Variants in KCNQ3 observed in about 807,000 individuals in gnomAD.
KCNQ3 encodes the protein potassium voltage-gated channel subfamily Q member 3.
In KCNQ3, 30 loss-of-function variants were observed where a neutral mutation model predicts 92.5. The observed-to-expected ratio is 0.32, with a 90% CI of 0.24 to 0.44. The LOEUF (loss-of-function observed/expected upper bound fraction) is 0.44. Among genes scored for constraint, KCNQ3 ranks in the 20% least tolerant of loss-of-function variants. KCNQ3 has a pLI of 1.00. For synonymous variants in KCNQ3, 450 were observed against 468.8 expected (o/e 0.96, Z 0.52); for missense variants, 913 against 1,140.3 (o/e 0.80, Z 2.87).
chr8:132,421,523 G>C (rs768917080), intron 1 of KCNQ3, among the ~76,000 whole-genome samples: 3 of 152,160 alleles, frequency 2.0e-5, no homozygotes, highest in Admixed American at 2.0e-4. Flanking sequence ...AAATGATGCT[G>C]CCTGACCTAG....
chr8:132,203,751 C>T (rs1283640653), intron 1 of KCNQ3, among the ~76,000 whole-genome samples: 1 of 152,124 alleles, frequency 6.6e-6, no homozygotes, highest in Admixed American at 6.5e-5. Flanking sequence ...GCTGTGAGAA[C>T]TAAATATGCC....
intron 1 of KCNQ3, among the ~76,000 whole-genome samples, chr8:132,252,600 G>A (rs2085517): frequency 0.44 from 66,132 of 151,666 alleles, 16,685 homozygotes; most frequent in East Asian, 0.68. Context: ...TGGATTGGGT[G>A]GCCAGCTTTT....
intron 1 of KCNQ3, among the ~76,000 whole-genome samples, chr8:132,228,267 G>C (rs10099347): frequency 0.012 from 1,753 of 152,120 alleles, 18 homozygotes; most frequent in South Asian, 0.048. Flanking sequence ...AGGCATCAAA[G>C]TGACAAATGA....
intron 1 of KCNQ3, among the ~76,000 whole-genome samples, chr8:132,336,171 G>A (rs777164778): frequency 2.0e-5 from 3 of 152,114 alleles, no homozygotes; most frequent in Non-Finnish European, 4.4e-5. Flanking sequence ...GTCTAGGGCT[G>A]GGCACTTTGG....
At chr8:132,271,881 G>A (rs906840436) in intron 1 of KCNQ3, among the ~76,000 whole-genome samples, 3 of 152,170 alleles carry the variant, frequency 2.0e-5, no homozygotes, top group Non-Finnish European at 4.4e-5. Flanking sequence ...ATTGGAATGG[G>A]CATGGTCTTT....
intron 1 of KCNQ3, among the ~76,000 whole-genome samples, chr8:132,216,463 TC>T (rs1044322902): frequency 1.3e-5 from 2 of 152,036 alleles, no homozygotes; most frequent in African/African-American, 4.8e-5. Flanking sequence ...ACCTGATCCC[TC>T]CCCAGCCCTG....
chr8:132,480,595 G>T lies in KCNQ3; in HGVS notation c.-63C>A. ...GCTGCTCTGGGAAGAAGGGGCGCTC[G>T]GGGTGCGTGAACGAGGCGGCGGCGG... On this transcript the variant is annotated 5_prime_UTR_variant, in exon 1 of 15. Coordinates refer to ENST00000388996, the MANE Select transcript of KCNQ3 (RefSeq NM_004519.4). 8.1e-7 allele frequency: 1 copy of T among 1,232,234 alleles called. No individual in the cohort carries two copies. The allele number at this position is 1,232,234 out of a possible 1,614,324, so 76.3% of individuals were successfully genotyped here.
At chr8:132,440,555 C>A (rs16904685) in intron 1 of KCNQ3, among the ~76,000 whole-genome samples, 22,749 of 152,088 alleles carry the variant, frequency 0.15, 1,743 homozygotes, top group East Asian at 0.24. Flanking sequence ...CATTGTGCAG[C>A]GTAGTTCTCC....
At chr8:132,465,016 T>G (rs556178472) in intron 1 of KCNQ3, among the ~76,000 whole-genome samples, 1 of 152,320 alleles carries the variant, frequency 6.6e-6, no homozygotes, top group South Asian at 2.1e-4. Context: ...AAACAAGATA[T>G]GTTCAAGTCA....
intron 1 of KCNQ3, among the ~76,000 whole-genome samples, chr8:132,421,018 T>A (rs942270852): frequency 6.6e-6 from 1 of 152,204 alleles, no homozygotes; most frequent in African/African-American, 2.4e-5. Context: ...CAGGAAGGCA[T>A]GACTGGCATA....
chr8:132,452,654 T>TAGGGATATCTG (rs1182207202), intron 1 of KCNQ3, among the ~76,000 whole-genome samples: 6 of 152,170 alleles, frequency 3.9e-5, no homozygotes, highest in African/African-American at 1.2e-4. Flanking sequence ...AAGACAGGAC[T>TAGGGATATCTG]AGGGATATCT....
chr8:132,262,651 A>T lies in KCNQ3; in HGVS notation c.387-76470T>A, dbSNP rs1216757824. Among the ~76,000 whole-genome samples the T allele has an allele frequency of 6.6e-3, 550 of 83,120 alleles. 3 individuals are homozygous for T. Among genetic ancestry groups the T allele is most frequent in the Non-Finnish European group, 0.012 (422 of 36,436 alleles). 54.5% of individuals were successfully genotyped at this position (83,120 alleles called of 152,430 possible). A position where few individuals can be genotyped will look rare whatever the true frequency, so the allele number is the denominator to read the frequency against. On this transcript the variant is annotated intron_variant, in intron 1 of 14. Transcript: ENST00000388996. Reference sequence around the variant, plus strand: ...TTACAGCAGTTTTTTTTTTTTTTTTACCATGATATACTCTTGAGGATGGAG... The same window carrying T: ...TTACAGCAGTTTTTTTTTTTTTTTTTCCATGATATACTCTTGAGGATGGAG...
rs1429791727 is a variant in KCNQ3 at position 132,134,336 on chromosome 8, A to C, written c.1753T>G (p.Ser585Ala). The change falls in exon 13 of 15, where the codon TCT becomes GCT. Residue 585 changes from serine (S) to alanine (A), a missense_variant. By Grantham distance (99) the Ser-to-Ala change is moderately conservative. Transcript: ENST00000388996. ...GPPSTPKHKK[S>A]QKGSAFTFPS... ...AAGGTGAATGCTGACCCTTTCTGAG[A>C]CTTCTTGTGTTTTGGCGTGGAGGGA... 1 of 1,613,982 alleles carries C rather than the reference A, an allele frequency of 6.2e-7. No individual in the cohort carries two copies. The highest frequency in any genetic ancestry group is 1.3e-5 in the African/African-American group (1 of 75,010).
intron 1 of KCNQ3, among the ~76,000 whole-genome samples, chr8:132,467,706 T>C (rs1822205594): frequency 6.6e-6 from 1 of 152,212 alleles, no homozygotes; most frequent in East Asian, 1.9e-4. Flanking sequence ...TAACTCATCT[T>C]GCCCTTGAAA....
chr8:132,355,923 G>A (rs758231521), intron 1 of KCNQ3, among the ~76,000 whole-genome samples: 46 of 152,158 alleles, frequency 3.0e-4, no homozygotes, highest in Non-Finnish European at 5.6e-4. Flanking sequence ...CCTTTTACTC[G>A]GGGAGAGTCA....
chr8:132,160,379 CT>C (rs1825948516), intron 9 of KCNQ3, among the ~76,000 whole-genome samples: 1 of 152,086 alleles, frequency 6.6e-6, no homozygotes, highest in Non-Finnish European at 1.5e-5. Flanking sequence ...TATGTAAATG[CT>C]TGAGATCAAT....
intron 1 of KCNQ3, among the ~76,000 whole-genome samples, chr8:132,193,274 C>T (rs1827212745): frequency 6.6e-6 from 1 of 152,238 alleles, no homozygotes. Context: ...CATGCTTCCA[C>T]CTTCAGTATT....
intron 4 of KCNQ3, 87 bp from the exon 5 acceptor site, chr8:132,175,695 C>T: frequency 7.9e-7 from 1 of 1,258,806 alleles, no homozygotes; most frequent in Non-Finnish European, 1.1e-6. Context: ...AGTTAGAGTC[C>T]AAGTTTACCA....
At chr8:132,212,679 C>A (rs1237676239) in intron 1 of KCNQ3, among the ~76,000 whole-genome samples, 1 of 152,082 alleles carries the variant, frequency 6.6e-6, no homozygotes, top group Non-Finnish European at 1.5e-5. Flanking sequence ...TGGCTGAAGA[C>A]TCAGGCACCC....
Sources: allele counts gnomAD v4.1 joint callset (sites outside exome capture counted in the v4.1 genomes callset), GRCh38; gene constraint gnomAD v4.1.1; transcripts MANE v1.5; gene names NCBI Gene and HGNC (gene_info 2026-07-23, HGNC 2026-07-21).